Variants in KIF26B observed in about 807,000 individuals in gnomAD.
The protein encoded by KIF26B is kinesin-like protein KIF26B.
KIF26B carries 63 observed loss-of-function variants against 151.2 expected under a neutral mutation model. The ratio of observed to expected loss-of-function variants is 0.42; its 90% confidence interval spans 0.34 to 0.51. The LOEUF is 0.51. Among genes scored for constraint, KIF26B ranks in the 20% least tolerant of loss-of-function variants. KIF26B has a pLI of 0.07. For missense variants in KIF26B, 2,813 were observed against 2,913.6 expected, an observed-to-expected ratio of 0.97 and a Z score of 0.79; for synonymous variants, 1,357 against 1,262.1, an observed-to-expected ratio of 1.08 and a Z score of -1.59.
intron 2 of KIF26B, among the ~76,000 whole-genome samples, chr1:245,290,539 C>A (rs1671238319): frequency 6.6e-6 from 1 of 152,160 alleles, no homozygotes; most frequent in South Asian, 2.1e-4. Flanking sequence ...GTTGCCATGG[C>A]ATTTGTAAAC....
intron 2 of KIF26B, among the ~76,000 whole-genome samples, chr1:245,190,915 C>T (rs1669096489): frequency 6.6e-6 from 1 of 150,748 alleles, no homozygotes; most frequent in South Asian, 2.1e-4. Context: ...CAAAAATTAG[C>T]CGGTGTGGTG....
intron 2 of KIF26B, among the ~76,000 whole-genome samples, chr1:245,193,704 G>T (rs1270155143): frequency 6.6e-6 from 1 of 152,222 alleles, no homozygotes; most frequent in East Asian, 1.9e-4. Flanking sequence ...GAAAACTGAA[G>T]CACAGAGAAG....
At chr1:245,319,251 G>A (rs1306438326) in intron 2 of KIF26B, among the ~76,000 whole-genome samples, 1 of 152,200 alleles carries the variant, frequency 6.6e-6, no homozygotes, top group Non-Finnish European at 1.5e-5. Context: ...TTTATCTCCT[G>A]GGCTCTCTGA....
intron 4 of KIF26B, among the ~76,000 whole-genome samples, chr1:245,433,895 G>T (rs1258681890): frequency 6.6e-6 from 1 of 152,108 alleles, no homozygotes; most frequent in African/African-American, 2.4e-5. Flanking sequence ...GCAACGGAAA[G>T]AAAGGGCCTT....
At chr1:245,338,565 C>T (rs1038882417) in intron 2 of KIF26B, among the ~76,000 whole-genome samples, 2 of 152,204 alleles carry the variant, frequency 1.3e-5, no homozygotes, top group Non-Finnish European at 2.9e-5. Context: ...TCCATATACA[C>T]GAGTGTGAAC....
intron 4 of KIF26B, among the ~76,000 whole-genome samples, chr1:245,469,048 G>A (rs528939968): frequency 1.4e-4 from 21 of 152,280 alleles, no homozygotes; most frequent in African/African-American, 4.8e-4. Flanking sequence ...AACATCAGCT[G>A]CGGTAGAAAG....
intron 9 of KIF26B, among the ~76,000 whole-genome samples, chr1:245,637,429 A>G (rs1457118480): frequency 6.6e-6 from 1 of 151,984 alleles, no homozygotes; most frequent in African/African-American, 2.4e-5. Context: ...CCCTTGTCAA[A>G]TAATTTGCAA....
intron 2 of KIF26B, among the ~76,000 whole-genome samples, chr1:245,202,208 A>T (rs1219511135): frequency 6.6e-6 from 1 of 152,208 alleles, no homozygotes; most frequent in African/African-American, 2.4e-5. Context: ...GAAAGCTCTC[A>T]TTTACCTCGC....
intron 5 of KIF26B, among the ~76,000 whole-genome samples, chr1:245,582,010 A>T (rs1472989980): frequency 6.6e-6 from 1 of 151,952 alleles, no homozygotes; most frequent in Non-Finnish European, 1.5e-5. Context: ...CCAAGTGAAC[A>T]GTGTGGAGTA....
intron 4 of KIF26B, among the ~76,000 whole-genome samples, chr1:245,463,046 G>A (rs1421208833): frequency 6.6e-6 from 1 of 152,158 alleles, no homozygotes; most frequent in East Asian, 1.9e-4. Flanking sequence ...AATGACTGCT[G>A]AGATTCCCTC....
At chr1:245,385,916 AAG>A (rs1282409642) in intron 3 of KIF26B, among the ~76,000 whole-genome samples, 9 of 152,166 alleles carry the variant, frequency 5.9e-5, no homozygotes, top group African/African-American at 1.9e-4. Context: ...GATGTGGGAA[AAG>A]AGAGAGGATG....
intron 2 of KIF26B, among the ~76,000 whole-genome samples, chr1:245,175,936 GTCTATATATATAGATA>G (rs1250475888): frequency 1.7e-5 from 2 of 118,730 alleles, no homozygotes; most frequent in African/African-American, 3.7e-5. Flanking sequence ...ATATTTAGAT[GTCTATATATATAGATA>G]TCTATATCTA....
intron 9 of KIF26B, among the ~76,000 whole-genome samples, chr1:245,632,568 C>G (rs2043792295): frequency 6.6e-6 from 1 of 152,134 alleles, no homozygotes; most frequent in African/African-American, 2.4e-5. Flanking sequence ...TTCAATGTTT[C>G]TTTATTGATT....
At chr1:245,699,522 G>GGCTGTCTTTTTT (rs2044740207) in intron 14 of KIF26B, among the ~76,000 whole-genome samples, 1 of 151,520 alleles carries the variant, frequency 6.6e-6, no homozygotes, top group Non-Finnish European at 1.5e-5. Flanking sequence ...CAGCCACAGT[G>GGCTGTCTTTTTT]TTATTTCCAT....
At chr1:245,337,780 A>G (rs1422704497) in intron 2 of KIF26B, among the ~76,000 whole-genome samples, 1 of 152,212 alleles carries the variant, frequency 6.6e-6, no homozygotes, top group Non-Finnish European at 1.5e-5. Flanking sequence ...TTTAAAATAA[A>G]TGACAAATTA....
intron 2 of KIF26B, among the ~76,000 whole-genome samples, chr1:245,171,364 A>G (rs1346326163): frequency 6.6e-6 from 1 of 152,212 alleles, no homozygotes; most frequent in Non-Finnish European, 1.5e-5. Flanking sequence ...CAACATGGTG[A>G]AACCCCGTCT....
chr1:245,155,348 G>A lies in KIF26B; in HGVS notation c.-77G>A. The A allele has an allele frequency of 2.4e-6, 3 of 1,226,266 alleles. No homozygotes were observed. Among genetic ancestry groups the A allele is most frequent in the Non-Finnish European group, 3.5e-6 (3 of 851,678 alleles). 76.0% of individuals were successfully genotyped at this position (1,226,266 alleles called of 1,614,324 possible). ...TGAGAGCCAGCCCCCTGCAGCCGGG[G>A]GACGCTTCTGGGTTGGAGGACCTTC... On this transcript the variant is annotated 5_prime_UTR_variant, in exon 1 of 15. Coordinates refer to ENST00000407071, the MANE Select transcript of KIF26B (RefSeq NM_018012.4).
At chr1:245,387,547 G>A (rs943429823) in intron 3 of KIF26B, among the ~76,000 whole-genome samples, 1 of 152,120 alleles carries the variant, frequency 6.6e-6, no homozygotes, top group African/African-American at 2.4e-5. Context: ...AAACAAATTA[G>A]CCAGGCATGG....
chr1:245,628,056 C>T (rs1361887620), intron 9 of KIF26B, among the ~76,000 whole-genome samples: 4 of 151,900 alleles, frequency 2.6e-5, no homozygotes, highest in South Asian at 2.1e-4. Context: ...AGAGGTACGA[C>T]GAGGAGCTAG....
Sources: gnomAD v4.1 joint callset for allele counts (sites outside exome capture counted in the v4.1 genomes callset) on GRCh38, gnomAD v4.1.1 for gene constraint, MANE v1.5 for transcripts, NCBI Gene and HGNC (gene_info 2026-07-23, HGNC 2026-07-21) for gene names.